The following EPG5 variants were observed in gnomAD, a reference collection of about 807,000 sequenced individuals.
EPG5 encodes ectopic P-granules 5 autophagy tethering factor, also known as ectopic P granules protein 5 homolog.
EPG5 carries 159 observed loss-of-function variants against 302.7 expected under a neutral mutation model. The observed-to-expected ratio is 0.53, with a 90% CI of 0.46 to 0.60. EPG5 has a LOEUF of 0.60. EPG5 is among the 20% of genes least tolerant of loss of function. The pLI, the probability that EPG5 is intolerant of heterozygous loss-of-function variation, is 0.00. For synonymous variants in EPG5, 1,158 were observed against 1,136.8 expected, an observed-to-expected ratio of 1.02 and a Z score of -0.37; for missense variants, 2,896 against 3,092.4, an observed-to-expected ratio of 0.94 and a Z score of 1.51.
At chr18:45,907,920 T>TAAAAAAA in intron 24 of EPG5, 38 bp downstream of exon 24, 2 of 1,343,644 alleles carry the variant, frequency 1.5e-6, no homozygotes, top group Non-Finnish European at 1.9e-6. Flanking sequence ...TCAGATATGC[T>TAAAAAAA]AAAAAAAAAA....
At chr18:45,840,142 G>C in the EPG5 span, 12 of 1,561,422 alleles carry the variant, frequency 7.7e-6, no homozygotes, top group Middle Eastern at 1.7e-4. Context: ...TGGCATGGGT[G>C]GGGGTGGGCG....
chr18:45,937,395 T>C (rs558467509), intron 10 of EPG5, among the ~76,000 whole-genome samples: 1 of 151,466 alleles, frequency 6.6e-6, no homozygotes, highest in East Asian at 1.9e-4. Flanking sequence ...CACACATATA[T>C]ATACACACAC....
At position 45,865,764 on chromosome 18, in the gene EPG5, C is replaced by CAAAAAA. The variant is rs763674791; in HGVS notation, c.6622-6_6622-5insTTTTTT. 7.0e-7 allele frequency: 1 copy of CAAAAAA among 1,425,670 alleles called. No homozygotes were observed. The highest frequency in any genetic ancestry group is 1.7e-5 in the African/African-American group (1 of 60,526). The allele number at this position is 1,425,670 out of a possible 1,614,324, so 88.3% of individuals were successfully genotyped here. ...TTGGCATTTTGGAACTGCATCCTGA[C>CAAAAAA]CAAAAAAAAAAAAAAAAATCATTCA... On this transcript the variant is annotated splice_region_variant and splice_polypyrimidine_tract_variant and intron_variant, in intron 38 of 43. Transcript: ENST00000282041.
the EPG5 span, among the ~76,000 whole-genome samples, chr18:45,817,873 T>C: frequency 6.6e-6 from 1 of 152,220 alleles, no homozygotes; most frequent in Non-Finnish European, 1.5e-5. Context: ...GAGAATAAAG[T>C]TCCATCTTTT....
intron 17 of EPG5, 23 bp downstream of exon 17, chr18:45,917,656 T>C (rs2050063078): frequency 6.2e-7 from 1 of 1,613,446 alleles, no homozygotes; most frequent in East Asian, 2.2e-5. Flanking sequence ...GAGTGTCTCC[T>C]GCCATAGATG....
At chr18:45,951,288 G>A in intron 3 of EPG5, 50 bp from the exon 4 acceptor site, 3 of 1,319,696 alleles carry the variant, frequency 2.3e-6, no homozygotes, top group East Asian at 2.7e-5. Context: ...TGTTTTTGGG[G>A]GAATTTTTAG....
chr18:45,924,209 C>T (rs181814631), intron 14 of EPG5, among the ~76,000 whole-genome samples: 250 of 152,236 alleles, frequency 1.6e-3, no homozygotes, highest in African/African-American at 5.7e-3. Flanking sequence ...AAATACATTC[C>T]TTAAACCTTT....
chr18:45,917,559 C>G, intron 17 of EPG5, 120 bp downstream of exon 17: 1 of 1,210,926 alleles, frequency 8.3e-7, no homozygotes, highest in Non-Finnish European at 1.2e-6. Context: ...ATATTTTTGC[C>G]CCATAATACG....
chr18:45,889,184 C>A (rs1264859320), intron 28 of EPG5, among the ~76,000 whole-genome samples: 2 of 152,280 alleles, frequency 1.3e-5, no homozygotes, highest in East Asian at 3.9e-4. Context: ...GAGTCAGTCA[C>A]CTTAAAGTAA....
At chr18:45,948,409 C>T (rs2050832880) in intron 6 of EPG5, 94 bp downstream of exon 6, 1 of 952,824 alleles carries the variant, frequency 1.0e-6, no homozygotes, top group Admixed American at 1.9e-5. Context: ...CTTCCCTTAG[C>T]TGTTCTTCTT....
rs200456950 is a variant in EPG5, at chr18:45,910,692, T to C, written c.4034A>G (p.His1345Arg). 168 of 1,614,172 alleles carry C rather than the reference T, an allele frequency of 1.0e-4. 1 individual carries two copies. In the Middle Eastern group the frequency reaches 4.0e-3, roughly 38 times the overall value. The change falls in exon 23 of 44, where the codon CAT (histidine) becomes CGT (arginine). Residue 1345 changes from histidine to arginine, a missense_variant. Transcript: ENST00000282041. ...IGRRFFQSPA[H>R]INLLKEMKRR... ...CTTCATTTCTTTCAACAAATTGATA[T>C]GAGCAGGACTTTGAAAAAACCTTCT...
At chr18:45,910,786 T>C in intron 22 of EPG5, 44 bp from the exon 23 acceptor site, 3 of 1,489,890 alleles carry the variant, frequency 2.0e-6, no homozygotes, top group Non-Finnish European at 2.8e-6. Context: ...CAACACAAGA[T>C]GTACTTTCTG....
chr18:45,877,762 C>G (rs1429698877), intron 34 of EPG5, among the ~76,000 whole-genome samples: 2 of 152,138 alleles, frequency 1.3e-5, no homozygotes. Context: ...CTCTGAGTCT[C>G]AGAATCAAAT....
chr18:45,806,049 G>T, the EPG5 span, among the ~76,000 whole-genome samples: 1 of 152,088 alleles, frequency 6.6e-6, no homozygotes, highest in Non-Finnish European at 1.5e-5. Context: ...TTTGAAATTG[G>T]TATAAAGATT....
At chr18:45,822,250 T>C in the EPG5 span, among the ~76,000 whole-genome samples, 1 of 152,172 alleles carries the variant, frequency 6.6e-6, no homozygotes, top group Non-Finnish European at 1.5e-5. Context: ...CGTGGCAACA[T>C]AGATAGACCT....
Position 45,948,535 on chromosome 18 carries a change from C to T in EPG5, c.1539G>A (p.Met513Ile), listed in dbSNP as rs369120436. ...GAGACATCAGCAGGGCAAGGGATTG[C>T]ATAAAATGAAAGACCCCTGATGGGT... ...LHNPSGVFHF[M>I]QSLALLMSPV... Residue 513 changes from methionine (M) to isoleucine (I), a missense_variant, in exon 6 of 44, where the codon ATG (methionine) becomes ATA (isoleucine). Around this residue, in one of 5 missense-constraint regions of EPG5, gnomAD observed 1,390 missense variants for 1,430.0 expected, o/e 0.97. Transcript: ENST00000282041. The T allele has an allele frequency of 1.2e-6, 2 of 1,613,936 alleles. No individual in the cohort carries two copies. The highest frequency in any genetic ancestry group is 3.3e-5 in the Admixed American group (2 of 60,022).
At chr18:45,858,185 G>A (rs2048557295) in intron 41 of EPG5, 117 bp from the exon 42 acceptor site, 1 of 748,606 alleles carries the variant, frequency 1.3e-6, no homozygotes. Flanking sequence ...CAAAAGCACA[G>A]GCTAACGGCT....
intron 27 of EPG5, among the ~76,000 whole-genome samples, chr18:45,890,618 C>T (rs974185620): frequency 1.3e-5 from 2 of 152,038 alleles, no homozygotes; most frequent in Non-Finnish European, 2.9e-5. Flanking sequence ...AAAAGATTAT[C>T]CTTTTTTAAG....
At chr18:45,836,927 C>T in the EPG5 span, 6 of 723,834 alleles carry the variant, frequency 8.3e-6, no homozygotes, top group African/African-American at 6.9e-5. Flanking sequence ...CGATCCTGAA[C>T]GCTGGCTTGG....
Sources: allele counts gnomAD v4.1 joint callset (sites outside exome capture counted in the v4.1 genomes callset), GRCh38; gene constraint gnomAD v4.1.1; regional missense constraint gnomAD v4.1.1; transcripts MANE v1.5; gene names NCBI Gene and HGNC (gene_info 2026-07-23, HGNC 2026-07-21).